Variants in IP6K2 observed in about 807,000 individuals in gnomAD.
IP6K2 encodes inositol hexakisphosphate kinase 2, also known as ATP:1D-myo-inositol-hexakisphosphate phosphotransferase.
A neutral mutation model predicts 43.3 loss-of-function variants in IP6K2; 9 were observed. The ratio of observed to expected loss-of-function variants is 0.21; its 90% CI spans 0.13 to 0.36. IP6K2 has a LOEUF of 0.36. Ranked by LOEUF, IP6K2 falls within the 10% of genes least tolerant of loss-of-function variation. IP6K2 has a pLI of 1.00. For synonymous variants in IP6K2, 209 were observed against 202.4 expected (o/e 1.03, Z -0.28); for missense variants, 332 against 538.4 (o/e 0.62, Z 3.79).
At position 48,688,828 on chromosome 3, in the gene IP6K2, C is replaced by A; in HGVS notation, c.781-55G>T. 1 of 1,544,944 alleles carries A rather than the reference C, an allele frequency of 6.5e-7. No individual in the cohort carries two copies. The highest frequency in any genetic ancestry group is 1.9e-5 in the Admixed American group (1 of 53,062). On this transcript the variant is annotated intron_variant, in intron 5 of 5. Coordinates refer to ENST00000328631, the MANE Select transcript of IP6K2 (RefSeq NM_016291.4). The surrounding 1 kb of genome is among the most constrained non-coding windows in gnomAD (Gnocchi z 5.1). The stretch of plus-strand genomic sequence containing the variant: ...CTGAGGGCCATCTCAAACCCTGGAC[C>A]CCGGGCGGGGGTGGGGTGGTGTGGT...
At chr3:48,702,734 T>C (rs755305096) in intron 1 of IP6K2, among the ~76,000 whole-genome samples, 28 of 152,196 alleles carry the variant, frequency 1.8e-4, no homozygotes, top group Non-Finnish European at 3.4e-4. Flanking sequence ...TCTACGTTTC[T>C]TACTTGTCTT....
chr3:48,712,986 C>A (rs543251584), intron 1 of IP6K2, among the ~76,000 whole-genome samples: 3 of 152,238 alleles, frequency 2.0e-5, no homozygotes, highest in African/African-American at 7.2e-5. Context: ...GCACTCCAAC[C>A]TGGGCAACAG....
chr3:48,695,564 C>T lies in IP6K2; in HGVS notation c.-130-143G>A, dbSNP rs1039078670. ...ACTCCGCCCATGCCACCCACCTTGG[C>T]CCCCGCCTTCTCCGGCAGAAAAACA... On this transcript the variant is annotated intron_variant, in intron 1 of 5. Coordinates refer to ENST00000328631, the MANE Select transcript of IP6K2 (RefSeq NM_016291.4). The surrounding 1 kb of genome is among the most constrained non-coding windows in gnomAD (Gnocchi z 4.6). 27 of 1,127,676 alleles carry T rather than the reference C, an allele frequency of 2.4e-5. 1 individual carries two copies. The South Asian group carries it at 8.0e-4, about 34-fold the overall frequency. The allele number at this position is 1,127,676 out of a possible 1,614,324, so 69.9% of individuals were successfully genotyped here. A position where few individuals can be genotyped will look rare whatever the true frequency, so the allele number is the denominator to read the frequency against.
chr3:48,689,480 C>G, intron 5 of IP6K2, 58 bp downstream of exon 5: 1 of 1,542,686 alleles, frequency 6.5e-7, no homozygotes, highest in South Asian at 1.2e-5. Context: ...CAGGACTATA[C>G]CAGGGTGGGG....
At chr3:48,692,684 C>T (rs1265508962) in intron 3 of IP6K2, among the ~76,000 whole-genome samples, 1 of 152,206 alleles carries the variant, frequency 6.6e-6, no homozygotes, top group Non-Finnish European at 1.5e-5. Context: ...ACTGCTACAT[C>T]TCCAGAACAC....
rs767190121 is a variant in IP6K2 at position 48,693,217 on chromosome 3, A to C, written c.203-38T>G. 2.0e-6 allele frequency: 3 copies of C among 1,496,440 alleles called. No homozygotes were observed. The South Asian group carries it at 3.4e-5, about 17-fold the overall frequency. The allele number at this position is 1,496,440 out of a possible 1,614,324, so 92.7% of individuals were successfully genotyped here. ...GAGGAGCAGAAAGAACTTTTAATTT[A>C]GCAGGAAGAAGCGTTGTAAGTAACA... On this transcript the variant is annotated intron_variant, in intron 2 of 5. Transcript: ENST00000328631.
chr3:48,702,524 G>A (rs1374117272), intron 1 of IP6K2, among the ~76,000 whole-genome samples: 1 of 150,904 alleles, frequency 6.6e-6, no homozygotes, highest in Non-Finnish European at 1.5e-5. Flanking sequence ...GCTCACTGCA[G>A]CCTCAAACTC....
chr3:48,714,501 T>C (rs1351380544), intron 1 of IP6K2, among the ~76,000 whole-genome samples: 1 of 152,058 alleles, frequency 6.6e-6, no homozygotes, highest in Non-Finnish European at 1.5e-5. Flanking sequence ...CAAACGATTC[T>C]CTTGCTTCAG....
intron 1 of IP6K2, among the ~76,000 whole-genome samples, chr3:48,697,488 A>ATTTTTT (rs35746542): frequency 2.6e-4 from 17 of 64,324 alleles, no homozygotes; most frequent in East Asian, 4.9e-4. Flanking sequence ...ATGCCTGGCT[A>ATTTTTT]TTTTTTTTTT....
chr3:48,715,918 T>A (rs2081143288), intron 1 of IP6K2, among the ~76,000 whole-genome samples: 1 of 148,648 alleles, frequency 6.7e-6, no homozygotes, highest in South Asian at 2.1e-4. Flanking sequence ...GTTAACAGTT[T>A]AACTTTTTCT....
chr3:48,712,303 C>T (rs544668195), intron 1 of IP6K2, among the ~76,000 whole-genome samples: 7 of 147,858 alleles, frequency 4.7e-5, no homozygotes, highest in East Asian at 2.0e-4. Context: ...AGTGCAGTGG[C>T]GCGATCTCGG....
chr3:48,715,714 C>CTTT (rs1210821366), intron 1 of IP6K2, among the ~76,000 whole-genome samples: 14 of 142,012 alleles, frequency 9.9e-5, no homozygotes, highest in East Asian at 4.1e-4. Context: ...CTCTCTCTCT[C>CTTT]TTTTTTTTTT....
chr3:48,713,855 G>A (rs2080847159), intron 1 of IP6K2, among the ~76,000 whole-genome samples: 1 of 151,390 alleles, frequency 6.6e-6, no homozygotes, highest in Admixed American at 6.6e-5. Flanking sequence ...AGTGGCTCAC[G>A]CCTGTAATCC....
intron 2 of IP6K2, chr3:48,693,406 G>C: frequency 7.9e-7 from 1 of 1,259,198 alleles, no homozygotes; most frequent in Admixed American, 2.1e-5. Context: ...CTTCCTCTCT[G>C]ATGTACTCAA....
rs538381890 is a variant in IP6K2 at position 48,688,423 on chromosome 3, T to C, written c.1131A>G (p.Val377=). Residue 377 remains valine (V), a synonymous_variant, in exon 6 of 6, where the codon GTA becomes GTG. Transcript: ENST00000328631. The surrounding 1 kb of genome is among the most constrained non-coding windows in gnomAD (Gnocchi z 5.1). ...YAYKPIGASS[V]DVRMIDFAHT... Reference sequence around the variant, plus strand: ...GTGCAAAGTCGATCATGCGCACATCTACAGAGCTGGCGCCGATGGGTTTGT... The same window carrying C: ...GTGCAAAGTCGATCATGCGCACATCCACAGAGCTGGCGCCGATGGGTTTGT... 2.5e-6 allele frequency: 4 copies of C among 1,614,184 alleles called. No individual in the cohort carries two copies. The East Asian group carries it at 8.9e-5, about 36-fold the overall frequency.
intron 1 of IP6K2, among the ~76,000 whole-genome samples, chr3:48,708,611 C>CTTTTTTTTTTTTTTTTTTTTTTTTTTTTG (rs1553648245): frequency 6.6e-6 from 1 of 151,244 alleles, no homozygotes; most frequent in Non-Finnish European, 1.5e-5. Flanking sequence ...ACCCCTTTTT[C>CTTTTTTTTTTTTTTTTTTTTTTTTTTTTG]AAGAACAATT....
rs1225338737 is a variant in IP6K2, at chr3:48,693,025, A to T, written c.357T>A (p.His119Gln). The change falls in exon 3 of 6, where the codon CAT becomes CAA. Residue 119 changes from histidine (H) to glutamine (Q), a missense_variant. Physicochemically the swap from His to Gln is conservative, Grantham distance 24 (BLOSUM62 0). Transcript: ENST00000328631. ...KLLRWTTNKK[H>Q]HVLETEKTPK... ...GGGTCTTTTCTGTTTCTAAGACATGATGTTTTTTGTTTGTTGTCCACCTTA... is the reference window on the plus strand; with the variant it reads ...GGGTCTTTTCTGTTTCTAAGACATGTTGTTTTTTGTTTGTTGTCCACCTTA... 6.2e-7 allele frequency: 1 copy of T among 1,614,088 alleles called. No homozygotes were observed. Among genetic ancestry groups the T allele is most frequent in the Non-Finnish European group, 8.5e-7 (1 of 1,180,046 alleles).
chr3:48,693,468 TTTA>T lies in IP6K2; in HGVS notation c.203-292_203-290del, dbSNP rs1469779378. The T allele has an allele frequency of 8.9e-5, 118 of 1,328,278 alleles. 1 individual carries two copies. In the South Asian group the frequency reaches 1.4e-3, roughly 16 times the overall value. 82.3% of individuals were successfully genotyped at this position (1,328,278 alleles called of 1,614,324 possible). A position where few individuals can be genotyped will look rare whatever the true frequency, so the allele number is the denominator to read the frequency against. ...ACACATTTTTCCATCATTGAAAATG[TTTA>T]TTAATTTTTATGTAATTCTTCTAAT... On this transcript the variant is annotated intron_variant, in intron 2 of 5. Coordinates refer to ENST00000328631, the MANE Select transcript of IP6K2 (RefSeq NM_016291.4).
rs1182182095 is a variant in IP6K2, at chr3:48,717,183, G to A, written c.-157C>T. 1 of 154,856 alleles carries A rather than the reference G, an allele frequency of 6.5e-6. No individual in the cohort carries two copies. The highest frequency in any genetic ancestry group is 1.5e-5 in the Non-Finnish European group (1 of 68,252). 9.6% of individuals were successfully genotyped at this position (154,856 alleles called of 1,614,324 possible). A position where few individuals can be genotyped will look rare whatever the true frequency, so the allele number is the denominator to read the frequency against. On this transcript the variant is annotated 5_prime_UTR_variant, in exon 1 of 6. The change creates a new upstream start codon in the 5' untranslated region. Coordinates refer to ENST00000328631, the MANE Select transcript of IP6K2 (RefSeq NM_016291.4). ...TGCCGCCTCAGCCGGGTTCCTCGGC[G>A]TTTCCGTCCTATTGTTTCTCTCGCA...
Sources: gnomAD v4.1 joint callset for allele counts (sites outside exome capture counted in the v4.1 genomes callset) on GRCh38, gnomAD v4.1.1 for gene constraint, Gnocchi (gnomAD v3.1) non-coding constraint, MANE v1.5 for transcripts, NCBI Gene and HGNC (gene_info 2026-07-23, HGNC 2026-07-21) for gene names.